The following MRS2 variants were observed in gnomAD, a reference collection of about 807,000 sequenced individuals.
MRS2 encodes magnesium transporter MRS2.
MRS2 carries 40 observed loss-of-function variants against 52.6 expected under a neutral mutation model. The observed-to-expected ratio is 0.76, with a 90% CI of 0.59 to 0.99. The LOEUF is 0.99. MRS2 is among the 50% of genes least tolerant of loss of function. The probability of loss-of-function intolerance (pLI) is 0.00; values close to 1 mark genes in which losing one functional copy is unlikely to be tolerated. For missense variants in MRS2, 472 were observed against 532.7 expected (o/e 0.89, Z 1.12); for synonymous variants, 193 against 195.9 (o/e 0.98, Z 0.13).
Position 24,410,753 on chromosome 6 carries a change from A to G in MRS2, c.414+1180A>G, listed in dbSNP as rs922765622. On this transcript the variant is annotated intron_variant, in intron 4 of 10. Transcript: ENST00000378386. ...AATATTCTCTACTCTTGGAATCAGT[A>G]GCTAGCATTCTTCAAAACAGTGTCT... 7 of 1,532,364 alleles carry G rather than the reference A, an allele frequency of 4.6e-6. No individual in the cohort carries two copies. In the African/African-American group the frequency reaches 9.6e-5, roughly 21 times the overall value. 94.9% of individuals were successfully genotyped at this position (1,532,364 alleles called of 1,614,324 possible).
chr6:24,403,306 G>A (rs1761349800), intron 1 of MRS2, 70 bp downstream of exon 1: 6 of 1,402,768 alleles, frequency 4.3e-6, no homozygotes, highest in African/African-American at 1.5e-5. Flanking sequence ...TGCCCCAGCC[G>A]TCCGGCGCGG....
At chr6:24,410,791 G>T in intron 4 of MRS2, 1 of 1,505,410 alleles carries the variant, frequency 6.6e-7, no homozygotes. Flanking sequence ...TTCATGGAGA[G>T]ACAGACAGGT....
At chr6:24,408,482 T>A in intron 3 of MRS2, 38 bp downstream of exon 3, 1 of 1,355,754 alleles carries the variant, frequency 7.4e-7, no homozygotes, top group Non-Finnish European at 1.1e-6. Flanking sequence ...TTTAAACATT[T>A]AATGAGTGAA....
chr6:24,416,940 T>C (rs1761873848), intron 7 of MRS2, among the ~76,000 whole-genome samples: 1 of 152,236 alleles, frequency 6.6e-6, no homozygotes, highest in South Asian at 2.1e-4. Flanking sequence ...AAACCTTTTA[T>C]CTTTTATGAA....
rs1561803214 is a variant in MRS2 at position 24,402,963 on chromosome 6, A to G, written c.-84A>G. 2 of 1,317,010 alleles carry G rather than the reference A, an allele frequency of 1.5e-6. No homozygotes were observed. The highest frequency in any genetic ancestry group is 2.5e-5 in the Admixed American group (1 of 39,980). 81.6% of individuals were successfully genotyped at this position (1,317,010 alleles called of 1,614,324 possible). A position where few individuals can be genotyped will look rare whatever the true frequency, so the allele number is the denominator to read the frequency against. ...AGAGTCTGCAGGTCGGGCGGTAGCG[A>G]CAGGTCAGAGCTGCGGCCTGAGCAG... On this transcript the variant is annotated 5_prime_UTR_variant, in exon 1 of 11. Coordinates refer to ENST00000378386, the MANE Select transcript of MRS2 (RefSeq NM_020662.4).
intron 9 of MRS2, among the ~76,000 whole-genome samples, chr6:24,420,310 G>A (rs897950293): frequency 2.0e-5 from 3 of 152,090 alleles, no homozygotes; most frequent in East Asian, 1.9e-4. Context: ...TTACTTTGTC[G>A]TCTGCGCCCA....
At chr6:24,420,969 C>T (rs2082835656) in intron 9 of MRS2, among the ~76,000 whole-genome samples, 1 of 152,098 alleles carries the variant, frequency 6.6e-6, no homozygotes, top group Admixed American at 6.6e-5. Flanking sequence ...GAACTCAAAT[C>T]TAGATCATTG....
chr6:24,417,274 A>G (rs964791537), intron 7 of MRS2, among the ~76,000 whole-genome samples: 1 of 152,246 alleles, frequency 6.6e-6, no homozygotes, highest in Non-Finnish European at 1.5e-5. Flanking sequence ...GTACCTCTTC[A>G]GAGTACTTCA....
chr6:24,412,203 GTTTTTT>G lies in MRS2; in HGVS notation c.415-11_415-6del. 2.5e-6 allele frequency: 3 copies of G among 1,220,584 alleles called. No homozygotes were observed. The highest frequency in any genetic ancestry group is 3.3e-6 in the Non-Finnish European group (3 of 897,734). The allele number at this position is 1,220,584 out of a possible 1,614,324, so 75.6% of individuals were successfully genotyped here. On this transcript the variant is annotated splice_polypyrimidine_tract_variant and intron_variant, in intron 4 of 10. Transcript: ENST00000378386. ...TACACTCACATATTTATATGTTTTG[GTTTTTT>G]TTTTTTTAACAGTATTTGAAAGCTG...
intron 1 of MRS2, among the ~76,000 whole-genome samples, chr6:24,403,826 A>G (rs994686294): frequency 5.3e-5 from 8 of 152,228 alleles, no homozygotes; most frequent in Admixed American, 1.3e-4. Context: ...ACAGTTGTCC[A>G]GTTGCACGGA....
In MRS2 at chr6:24,403,043, C is replaced by A. The variant is rs763266326; in HGVS notation, c.-4C>A. ...GGCTGCTGCCTGCTTCTTGCTCCAG[C>A]ACCATGGAATGCCTGCGCAGTTTAC... On this transcript the variant is annotated 5_prime_UTR_variant, in exon 1 of 11. Coordinates refer to ENST00000378386, the MANE Select transcript of MRS2 (RefSeq NM_020662.4). 1 of 1,598,922 alleles carries A rather than the reference C, an allele frequency of 6.3e-7. No homozygotes were observed. Among genetic ancestry groups the A allele is most frequent in the Non-Finnish European group, 8.5e-7 (1 of 1,174,164 alleles).
At chr6:24,403,323 T>C in intron 1 of MRS2, 87 bp downstream of exon 1, 1 of 1,313,592 alleles carries the variant, frequency 7.6e-7, no homozygotes. Context: ...GCGGCGCGCC[T>C]GTTGCTCCGC....
At chr6:24,415,741 C>T (rs1030321010) in intron 6 of MRS2, among the ~76,000 whole-genome samples, 1 of 152,202 alleles carries the variant, frequency 6.6e-6, no homozygotes, top group Non-Finnish European at 1.5e-5. Context: ...AACCAAAAAT[C>T]TTAAATTCAC....
chr6:24,407,287 G>A (rs371623368), intron 2 of MRS2, among the ~76,000 whole-genome samples: 1 of 152,100 alleles, frequency 6.6e-6, no homozygotes, highest in South Asian at 2.1e-4. Context: ...AGCTTTCTTT[G>A]ATATAAATTT....
chr6:24,417,810 C>T (rs560363037), intron 7 of MRS2, among the ~76,000 whole-genome samples: 5 of 152,092 alleles, frequency 3.3e-5, no homozygotes, highest in African/African-American at 7.2e-5. Flanking sequence ...GGCGTGGTGG[C>T]GGGCACCTGT....
chr6:24,421,087 A>C (rs1404596260), intron 9 of MRS2, among the ~76,000 whole-genome samples: 3 of 152,202 alleles, frequency 2.0e-5, no homozygotes, highest in African/African-American at 7.2e-5. Context: ...TGACTACAGG[A>C]CTTTCTCTAC....
chr6:24,408,240 C>T (rs1309956283), intron 2 of MRS2, among the ~76,000 whole-genome samples, 168 bp from the exon 3 acceptor site: 1 of 152,164 alleles, frequency 6.6e-6, no homozygotes, highest in South Asian at 2.1e-4. Flanking sequence ...AAACCCTTAA[C>T]TCATAACTGG....
chr6:24,404,517 C>T (rs1247324321), intron 1 of MRS2, among the ~76,000 whole-genome samples: 3 of 152,040 alleles, frequency 2.0e-5, no homozygotes, highest in African/African-American at 7.2e-5. Context: ...TTTGGAAGCA[C>T]AAAACAGTGT....
At chr6:24,404,271 C>A (rs1761387560) in intron 1 of MRS2, among the ~76,000 whole-genome samples, 1 of 152,206 alleles carries the variant, frequency 6.6e-6, no homozygotes, top group African/African-American at 2.4e-5. Context: ...TTGACGTTCA[C>A]AATCTCAATC....
Sources: allele counts gnomAD v4.1 joint callset (sites outside exome capture counted in the v4.1 genomes callset), GRCh38; gene constraint gnomAD v4.1.1; transcripts MANE v1.5; gene names NCBI Gene and HGNC (gene_info 2026-07-23, HGNC 2026-07-21).